EPN1: variants seen among roughly 807,000 people sequenced by gnomAD.
The protein encoded by EPN1 is epsin-1.
Under a neutral mutation model 56.9 loss-of-function variants are expected in EPN1, and 25 were observed. The ratio of observed to expected loss-of-function variants is 0.44; its 90% CI spans 0.32 to 0.61. EPN1 has a LOEUF of 0.61. EPN1 is among the 20% of genes least tolerant of loss of function. EPN1 has a pLI of 0.05. For synonymous variants in EPN1, 411 were observed against 361.8 expected, an observed-to-expected ratio of 1.14 and a Z score of -1.54; for missense variants, 785 against 823.7, an observed-to-expected ratio of 0.95 and a Z score of 0.58.
rs928218885 is a variant in EPN1, at chr19:55,701,519, G to A, written c.*6163G>A. ...TAGTATCTTAAGAAATACATGATTT[G>A]AACAAGGACCTTGTGTCTCCTCTCC... On this transcript the variant is annotated 3_prime_UTR_variant, in exon 11 of 11. Transcript: ENST00000270460. 5 of 151,156 alleles carry A rather than the reference G, an allele frequency of 3.3e-5. No individual in the cohort carries two copies. Among genetic ancestry groups the A allele is most frequent in the Non-Finnish European group, 7.4e-5 (5 of 67,864 alleles). 9.4% of individuals were successfully genotyped at this position (151,156 alleles called of 1,614,324 possible).
In EPN1 at chr19:55,707,857, C is replaced by CA. The variant is rs1359091707; in HGVS notation, c.*12502dup. On this transcript the variant is annotated 3_prime_UTR_variant, in exon 11 of 11. Coordinates refer to ENST00000270460, the MANE Select transcript of EPN1 (RefSeq NM_001130072.2). The stretch of plus-strand genomic sequence containing the variant: ...AGTCTTGAGTGTAAACTCGTGTTTA[C>CA]AGGTCTTAAAGTCCTGACCTGGTGA... 1.6e-4 allele frequency: 24 copies of CA among 154,406 alleles called. No homozygotes were observed. Among genetic ancestry groups the CA allele is most frequent in the Non-Finnish European group, 3.2e-4 (22 of 68,232 alleles). The allele number at this position is 154,406 out of a possible 1,614,324, so 9.6% of individuals were successfully genotyped here.
chr19:55,692,791 C>G lies in EPN1; in HGVS notation c.1172C>G (p.Thr391Arg). ...CCTGCCAAGCCCAGCACCAATGGCA[C>G]AACAGGTACTGGAATGGGGGTGGGA... ...GSPAKPSTNG[T>R]TAAGGFDTEP... Residue 391 changes from threonine (T) to arginine (R), a missense_variant, in exon 8 of 11, where the codon ACA (threonine) becomes AGA (arginine). Transcript: ENST00000270460. 3.8e-6 allele frequency: 6 copies of G among 1,596,882 alleles called. No individual in the cohort carries two copies. The highest frequency in any genetic ancestry group is 5.1e-6 in the Non-Finnish European group (6 of 1,171,152).
In EPN1 at chr19:55,691,661, C is replaced by G. The variant is rs1362034006; in HGVS notation, c.763-93C>G. On this transcript the variant is annotated intron_variant, in intron 6 of 10. Transcript: ENST00000270460. The surrounding 1 kb of genome is among the most constrained non-coding windows in gnomAD (Gnocchi z 5.6). ...TGGCTGCTGTCTGGACACCCAGGGC[C>G]TGGCCGCCTCCCCCGCCACGGGCCC... 10 of 1,167,954 alleles carry G rather than the reference C, an allele frequency of 8.6e-6. No homozygotes were observed. Among genetic ancestry groups the G allele is most frequent in the Non-Finnish European group, 9.9e-6 (8 of 805,602 alleles). 72.3% of individuals were successfully genotyped at this position (1,167,954 alleles called of 1,614,324 possible).
intron 1 of EPN1, chr19:55,677,663 C>G: frequency 6.4e-7 from 1 of 1,551,652 alleles, no homozygotes; most frequent in Non-Finnish European, 8.7e-7. Context: ...CTTATCTCTC[C>G]TGAGCCTTGG....
rs748474181 is a variant in EPN1, at chr19:55,689,246, A to ACTCTGC, written c.604-45_604-40dup. 157 of 1,360,260 alleles carry ACTCTGC rather than the reference A, an allele frequency of 1.2e-4. 1 individual carries two copies. Among genetic ancestry groups the ACTCTGC allele is most frequent in the Admixed American group, 1.8e-4 (9 of 50,142 alleles). The allele number at this position is 1,360,260 out of a possible 1,614,324, so 84.3% of individuals were successfully genotyped here. A position where few individuals can be genotyped will look rare whatever the true frequency, so the allele number is the denominator to read the frequency against. On this transcript the variant is annotated intron_variant, in intron 4 of 10. Coordinates refer to ENST00000270460, the MANE Select transcript of EPN1 (RefSeq NM_001130072.2). The surrounding 1 kb of genome is among the most constrained non-coding windows in gnomAD (Gnocchi z 5.7). The stretch of plus-strand genomic sequence containing the variant: ...CTATCTGACCCTGGCTCTGCCTCTG[A>ACTCTGC]CTCTGCCTCTGGCCCCTCCCGTCAT...
Position 55,695,412 on chromosome 19 carries a change from A to G in EPN1, c.*56A>G, listed in dbSNP as rs1024261244. 5 of 985,598 alleles carry G rather than the reference A, an allele frequency of 5.1e-6. No homozygotes were observed. In the African/African-American group the frequency reaches 8.1e-5, roughly 16 times the overall value. 61.1% of individuals were successfully genotyped at this position (985,598 alleles called of 1,614,324 possible). ...GGCTGCCCCATTCCGGCTCCCTGGG[A>G]GATCAGTGTTGTGAGTGCATGTGAA... On this transcript the variant is annotated 3_prime_UTR_variant, in exon 11 of 11. Transcript: ENST00000270460. This position sits in a 1 kb window ranked among gnomAD's most constrained non-coding sequence, Gnocchi z 4.4.
At chr19:55,690,612 T>C (rs955155078) in intron 6 of EPN1, among the ~76,000 whole-genome samples, 2 of 152,190 alleles carry the variant, frequency 1.3e-5, no homozygotes, top group Non-Finnish European at 2.9e-5. Flanking sequence ...GTTACTAGTC[T>C]GTCCTGAGTG....
At position 55,706,277 on chromosome 19, in the gene EPN1, C is replaced by CTTTTTT. The variant is rs1568587726; in HGVS notation, c.*10923_*10924insTTTTTT. 1.4e-4 allele frequency: 14 copies of CTTTTTT among 98,528 alleles called. No homozygotes were observed. The highest frequency in any genetic ancestry group is 8.6e-4 in the South Asian group (3 of 3,484). 6.1% of individuals were successfully genotyped at this position (98,528 alleles called of 1,614,324 possible). ...TCTTTTCTTCCTTTCTTCTCTTTTT[C>CTTTTTT]TTCTTCTTTTTTTTTTTTTTTTAAA... is the stretch of plus-strand genomic sequence containing the variant. On this transcript the variant is annotated 3_prime_UTR_variant, in exon 11 of 11. Coordinates refer to ENST00000270460, the MANE Select transcript of EPN1 (RefSeq NM_001130072.2).
At position 55,694,580 on chromosome 19, in the gene EPN1, C is replaced by A; in HGVS notation, c.1265-146C>A. ...GAGGTTTTGGCCTGGGCAAGCGATG[C>A]TTCCGCTCTGCACCTCAGTTCCTCC... is the stretch of plus-strand genomic sequence containing the variant. On this transcript the variant is annotated intron_variant, in intron 9 of 10. Transcript: ENST00000270460. This position sits in a 1 kb window ranked among gnomAD's most constrained non-coding sequence, Gnocchi z 4.2. The A allele has an allele frequency of 9.7e-7, 1 of 1,028,654 alleles. No individual in the cohort carries two copies. The highest frequency in any genetic ancestry group is 1.3e-6 in the Non-Finnish European group (1 of 750,746). 63.7% of individuals were successfully genotyped at this position (1,028,654 alleles called of 1,614,324 possible). A position where few individuals can be genotyped will look rare whatever the true frequency, so the allele number is the denominator to read the frequency against.
intron 1 of EPN1, chr19:55,677,016 T>TA: frequency 8.2e-7 from 1 of 1,215,876 alleles, no homozygotes; most frequent in Non-Finnish European, 1.1e-6. Flanking sequence ...TCCAGAGAGT[T>TA]ACTTTTTAAC....
rs1987616029 is a variant in EPN1 at position 55,709,523 on chromosome 19, A to G, written c.*14167A>G. 1 of 152,440 alleles carries G rather than the reference A, an allele frequency of 6.6e-6. No homozygotes were observed. The highest frequency in any genetic ancestry group is 1.5e-5 in the Non-Finnish European group (1 of 68,216). The allele number at this position is 152,440 out of a possible 1,614,324, so 9.4% of individuals were successfully genotyped here. A position where few individuals can be genotyped will look rare whatever the true frequency, so the allele number is the denominator to read the frequency against. ...CTAAGAAATAATTAAAGCACATGCT[A>G]CACCCATAAATATGTCAAACGTTCT... is the stretch of plus-strand genomic sequence containing the variant. On this transcript the variant is annotated 3_prime_UTR_variant, in exon 11 of 11. Coordinates refer to ENST00000270460, the MANE Select transcript of EPN1 (RefSeq NM_001130072.2).
chr19:55,695,272 C>G lies in EPN1; in HGVS notation c.1647C>G (p.Ile549Met). 6.2e-7 allele frequency: 1 copy of G among 1,605,672 alleles called. No homozygotes were observed. Among genetic ancestry groups the G allele is most frequent in the South Asian group, 1.1e-5 (1 of 89,946 alleles). The change falls in exon 11 of 11, where the codon ATC becomes ATG. Residue 549 changes from isoleucine to methionine, a missense_variant. Coordinates refer to ENST00000270460, the MANE Select transcript of EPN1 (RefSeq NM_001130072.2). This position sits in a 1 kb window ranked among gnomAD's most constrained non-coding sequence, Gnocchi z 4.4. Reference protein sequence around the residue: ...PPVPGAPPTYISPLGGGPGLP... With the variant: ...PPVPGAPPTYMSPLGGGPGLP... ...TCCCTGGAGCGCCACCCACGTACAT[C>G]TCTCCCCTTGGCGGGGGCCCTGGCC...
At position 55,695,320 on chromosome 19, in the gene EPN1, C is replaced by G. The variant is rs745478291; in HGVS notation, c.1695C>G (p.Gly565=). 34 of 1,527,508 alleles carry G rather than the reference C, an allele frequency of 2.2e-5. No individual in the cohort carries two copies. Among genetic ancestry groups the G allele is most frequent in the South Asian group, 1.3e-4 (11 of 83,994 alleles). The allele number at this position is 1,527,508 out of a possible 1,614,324, so 94.6% of individuals were successfully genotyped here. A position where few individuals can be genotyped will look rare whatever the true frequency, so the allele number is the denominator to read the frequency against. The change falls in exon 11 of 11, where the codon GGC becomes GGG. Residue 565 remains glycine (G), a synonymous_variant. Coordinates refer to ENST00000270460, the MANE Select transcript of EPN1 (RefSeq NM_001130072.2). The surrounding 1 kb of genome is among the most constrained non-coding windows in gnomAD (Gnocchi z 4.4). ...GCCTGCCCCCCATGATGCCCCCGGG[C>G]CCCCCGGCCCCCAACACTAATCCCT... The part of the protein sequence containing the change: ...GPGLPPMMPP[G]PPAPNTNPFL...
Position 55,691,958 on chromosome 19 carries a change from C to T in EPN1, c.967C>T (p.Pro323Ser), listed in dbSNP as rs1183335059. 3 of 1,517,874 alleles carry T rather than the reference C, an allele frequency of 2.0e-6. No individual in the cohort carries two copies. Among genetic ancestry groups the T allele is most frequent in the African/African-American group, 1.4e-5 (1 of 71,820 alleles). 94.0% of individuals were successfully genotyped at this position (1,517,874 alleles called of 1,614,324 possible). A position where few individuals can be genotyped will look rare whatever the true frequency, so the allele number is the denominator to read the frequency against. Reference protein sequence around the residue: ...PTPASGDPWRPAAPAGPSVDP... With the variant: ...PTPASGDPWRSAAPAGPSVDP... Reference sequence around the variant, plus strand: ...GCCGGCCTCTGGGGACCCCTGGAGGCCTGCTGCCCCTGCAGGACCCTCAGT... The same window carrying T: ...GCCGGCCTCTGGGGACCCCTGGAGGTCTGCTGCCCCTGCAGGACCCTCAGT... Residue 323 changes from proline (P) to serine (S), a missense_variant, in exon 7 of 11, where the codon CCT (proline) becomes TCT (serine). Coordinates refer to ENST00000270460, the MANE Select transcript of EPN1 (RefSeq NM_001130072.2). This position sits in a 1 kb window ranked among gnomAD's most constrained non-coding sequence, Gnocchi z 5.6.
rs1055712828 is a variant in EPN1 at position 55,692,672 on chromosome 19, C to T, written c.1067-14C>T. 1.3e-6 allele frequency: 2 copies of T among 1,510,214 alleles called. No individual in the cohort carries two copies. The highest frequency in any genetic ancestry group is 8.9e-7 in the Non-Finnish European group (1 of 1,123,510). 93.6% of individuals were successfully genotyped at this position (1,510,214 alleles called of 1,614,324 possible). On this transcript the variant is annotated splice_polypyrimidine_tract_variant and intron_variant, in intron 7 of 10. Transcript: ENST00000270460. ...AAGGTTGCCAGCCCCTCATGCTCTT[C>T]TGTCCTCACCCAGGTGGGGTCCCGG... is the stretch of plus-strand genomic sequence containing the variant.
chr19:55,689,508 T>C lies in EPN1; in HGVS notation c.678+137T>C. 4 of 676,516 alleles carry C rather than the reference T, an allele frequency of 5.9e-6. No individual in the cohort carries two copies. Among genetic ancestry groups the C allele is most frequent in the Non-Finnish European group, 7.8e-6 (3 of 385,322 alleles). The allele number at this position is 676,516 out of a possible 1,614,324, so 41.9% of individuals were successfully genotyped here. A position where few individuals can be genotyped will look rare whatever the true frequency, so the allele number is the denominator to read the frequency against. Reference sequence around the variant, plus strand: ...TCACGCGTGTTGAAACCTCAGTACCTTCAGCCGTAGGATGTAGGACCACAA... The same window carrying C: ...TCACGCGTGTTGAAACCTCAGTACCCTCAGCCGTAGGATGTAGGACCACAA... On this transcript the variant is annotated intron_variant, in intron 5 of 10. Transcript: ENST00000270460. The surrounding 1 kb of genome is among the most constrained non-coding windows in gnomAD (Gnocchi z 5.7).
intron 6 of EPN1, 133 bp downstream of exon 6, chr19:55,690,083 G>A (rs1367036812): frequency 4.4e-6 from 4 of 907,046 alleles, no homozygotes. Flanking sequence ...GGGTTTCCAG[G>A]CTTGGTCGGC....
intron 9 of EPN1, among the ~76,000 whole-genome samples, chr19:55,693,626 G>A (rs769589080): frequency 5.3e-5 from 8 of 152,300 alleles, no homozygotes; most frequent in Middle Eastern, 3.4e-3. Context: ...GTGCTTCGCC[G>A]CGGCCCTCAG....
In EPN1 at chr19:55,707,833, G is replaced by A. The variant is rs1012015120; in HGVS notation, c.*12477G>A. 6.5e-6 allele frequency: 1 copy of A among 154,404 alleles called. No homozygotes were observed. Among genetic ancestry groups the A allele is most frequent in the African/African-American group, 2.4e-5 (1 of 41,536 alleles). The allele number at this position is 154,404 out of a possible 1,614,324, so 9.6% of individuals were successfully genotyped here. A position where few individuals can be genotyped will look rare whatever the true frequency, so the allele number is the denominator to read the frequency against. ...TTTGTCCTATGGAAACCCTTGTCCA[G>A]TCTTGAGTGTAAACTCGTGTTTACA... On this transcript the variant is annotated 3_prime_UTR_variant, in exon 11 of 11. Transcript: ENST00000270460.
Sources: allele counts gnomAD v4.1 joint callset (sites outside exome capture counted in the v4.1 genomes callset), GRCh38; gene constraint gnomAD v4.1.1; non-coding constraint Gnocchi (gnomAD v3.1); transcripts MANE v1.5; gene names NCBI Gene and HGNC (gene_info 2026-07-23, HGNC 2026-07-21).